The following GAREM1 variants were observed in gnomAD, a reference collection of about 807,000 sequenced individuals.
GAREM1 encodes GRB2-associated and regulator of MAPK protein 1.
In GAREM1, 26 loss-of-function variants were observed where a neutral mutation model predicts 71.3. The observed-to-expected ratio is 0.36, with a 90% confidence interval of 0.27 to 0.51. The LOEUF (loss-of-function observed/expected upper bound fraction) is 0.51, where lower values mean the gene tolerates loss of function less well. Ranked by LOEUF, GAREM1 falls within the 20% of genes least tolerant of loss-of-function variation. GAREM1 has a pLI of 0.95. For missense variants in GAREM1, 1,026 were observed against 1,103.1 expected (o/e 0.93, Z 0.99); for synonymous variants, 440 against 433.2 (o/e 1.02, Z -0.20).
At chr18:32,407,212 C>A (rs975850030) in intron 1 of GAREM1, among the ~76,000 whole-genome samples, 2 of 152,258 alleles carry the variant, frequency 1.3e-5, no homozygotes, top group East Asian at 1.9e-4. Context: ...AAAACAACCA[C>A]AATAGAGAAC....
At chr18:32,285,370 C>T (rs2047002751) in intron 4 of GAREM1, among the ~76,000 whole-genome samples, 1 of 152,176 alleles carries the variant, frequency 6.6e-6, no homozygotes, top group African/African-American at 2.4e-5. Context: ...AAACTGCTGC[C>T]TGACACCCAG....
intron 3 of GAREM1, among the ~76,000 whole-genome samples, chr18:32,304,845 C>T (rs955196706): frequency 5.3e-5 from 8 of 152,044 alleles, no homozygotes; most frequent in African/African-American, 1.2e-4. Flanking sequence ...CTCTGTAGAT[C>T]GTGGTGGCCT....
At chr18:32,277,285 G>GA (rs1187383354) in intron 4 of GAREM1, among the ~76,000 whole-genome samples, 1 of 152,230 alleles carries the variant, frequency 6.6e-6, no homozygotes, top group East Asian at 1.9e-4. Flanking sequence ...AAAGAAACTT[G>GA]AAAAAATGTG....
chr18:32,333,521 C>A (rs1164713890), intron 2 of GAREM1, among the ~76,000 whole-genome samples: 1 of 152,186 alleles, frequency 6.6e-6, no homozygotes, highest in African/African-American at 2.4e-5. Context: ...CCCTTGTAGG[C>A]ACTGCTGCAA....
At chr18:32,315,466 A>C (rs1308501555) in intron 2 of GAREM1, among the ~76,000 whole-genome samples, 2 of 147,258 alleles carry the variant, frequency 1.4e-5, no homozygotes, top group African/African-American at 4.9e-5. Context: ...ATATATATAA[A>C]TATATATAAA....
chr18:32,380,214 G>A lies in GAREM1; in HGVS notation c.262+12681C>T, dbSNP rs543068087. Among the ~76,000 whole-genome samples the A allele has an allele frequency of 3.0e-3, 464 of 152,182 alleles. 5 individuals carry two copies. Among genetic ancestry groups the A allele is most frequent in the African/African-American group, 0.011 (441 of 41,538 alleles). ...GTCTCGGCCGGGAGCAGTGGCTCAC[G>A]CCTGTAATCCTAGCACTTTGGGAGG... is the stretch of plus-strand genomic sequence containing the variant. On this transcript the variant is annotated intron_variant, in intron 2 of 5. Transcript: ENST00000269209.
intron 2 of GAREM1, among the ~76,000 whole-genome samples, chr18:32,336,711 A>G (rs2047599235): frequency 1.3e-5 from 2 of 152,208 alleles, no homozygotes; most frequent in African/African-American, 4.8e-5. Context: ...TGATGGATGA[A>G]AAGTTAAATA....
intron 2 of GAREM1, among the ~76,000 whole-genome samples, chr18:32,317,026 C>T (rs933356618): frequency 3.9e-5 from 6 of 152,272 alleles, no homozygotes; most frequent in East Asian, 1.9e-4. Context: ...ACTTTATTTA[C>T]GAAAACAGGC....
At chr18:32,395,164 T>C (rs2048238787) in intron 1 of GAREM1, among the ~76,000 whole-genome samples, 1 of 152,036 alleles carries the variant, frequency 6.6e-6, no homozygotes, top group Non-Finnish European at 1.5e-5. Flanking sequence ...GACTTTGGGG[T>C]CTCTCTCCAT....
intron 4 of GAREM1, among the ~76,000 whole-genome samples, chr18:32,279,736 T>C (rs143778131): frequency 8.8e-4 from 134 of 152,214 alleles, no homozygotes; most frequent in African/African-American, 2.8e-3. Flanking sequence ...CGTGGAAAAA[T>C]TGTCTTTCAT....
chr18:32,388,051 G>C (rs1250995916), intron 2 of GAREM1, among the ~76,000 whole-genome samples: 1 of 152,090 alleles, frequency 6.6e-6, no homozygotes, highest in Non-Finnish European at 1.5e-5. Context: ...TGATTGAAAA[G>C]AATGGTTGTT....
intron 1 of GAREM1, among the ~76,000 whole-genome samples, chr18:32,410,485 C>T (rs1369653776): frequency 6.6e-6 from 1 of 152,098 alleles, no homozygotes; most frequent in Non-Finnish European, 1.5e-5. Flanking sequence ...ATTGCTGGTA[C>T]TACAGGTATG....
intron 2 of GAREM1, among the ~76,000 whole-genome samples, chr18:32,316,559 C>G (rs1180490443): frequency 6.6e-6 from 1 of 152,174 alleles, no homozygotes; most frequent in African/African-American, 2.4e-5. Context: ...ATCCTCTTAC[C>G]TCAGCCTCCC....
intron 2 of GAREM1, among the ~76,000 whole-genome samples, chr18:32,389,700 A>T (rs2048177972): frequency 6.6e-6 from 1 of 152,218 alleles, no homozygotes; most frequent in South Asian, 2.1e-4. Flanking sequence ...AAACTAGAGC[A>T]CAAATAAGCT....
chr18:32,398,149 G>A (rs989682624), intron 1 of GAREM1, among the ~76,000 whole-genome samples: 1 of 152,064 alleles, frequency 6.6e-6, no homozygotes, highest in Non-Finnish European at 1.5e-5. Flanking sequence ...AGAATCTCTG[G>A]GACACATTTA....
chr18:32,345,589 G>A (rs2047687745), intron 2 of GAREM1, among the ~76,000 whole-genome samples: 1 of 152,236 alleles, frequency 6.6e-6, no homozygotes, highest in Non-Finnish European at 1.5e-5. Flanking sequence ...ATTTGGTTAA[G>A]TTGGCAATAA....
intron 2 of GAREM1, among the ~76,000 whole-genome samples, chr18:32,368,999 A>T (rs927101180): frequency 6.6e-6 from 1 of 152,232 alleles, no homozygotes; most frequent in Non-Finnish European, 1.5e-5. Flanking sequence ...TCTCAACAGT[A>T]CACCTATACC....
intron 1 of GAREM1, among the ~76,000 whole-genome samples, chr18:32,433,017 C>A (rs1468389438): frequency 2.6e-5 from 4 of 151,936 alleles, no homozygotes; most frequent in Admixed American, 6.6e-5. Context: ...CAATATCCCT[C>A]ATAAACCCAA....
At position 32,329,675 on chromosome 18, in the gene GAREM1, C is replaced by A. The variant is rs551773712; in HGVS notation, c.263-19352G>T. Reference sequence around the variant, plus strand: ...GAGCCGAGATTGCGCCACTGCACTCCAGCCTGGGTGACAGAGCGAGACTCC... The same window carrying A: ...GAGCCGAGATTGCGCCACTGCACTCAAGCCTGGGTGACAGAGCGAGACTCC... On this transcript the variant is annotated intron_variant, in intron 2 of 5. Transcript: ENST00000269209. Among the ~76,000 whole-genome samples, 25 of 141,096 alleles carry A rather than the reference C, an allele frequency of 1.8e-4. No individual in the cohort carries two copies. The South Asian group carries it at 5.7e-3, about 32-fold the overall frequency. 92.6% of individuals were successfully genotyped at this position (141,096 alleles called of 152,430 possible).
Sources: gnomAD v4.1 joint callset for allele counts (sites outside exome capture counted in the v4.1 genomes callset) on GRCh38, gnomAD v4.1.1 for gene constraint, MANE v1.5 for transcripts, NCBI Gene and HGNC (gene_info 2026-07-23, HGNC 2026-07-21) for gene names.